USP8: variants seen among roughly 807,000 people sequenced by gnomAD.
The protein encoded by USP8 is ubiquitin carboxyl-terminal hydrolase 8.
A neutral mutation model predicts 130.0 loss-of-function variants in USP8; 27 were observed. That is an observed-to-expected ratio of 0.21 (90% CI 0.15 to 0.29). The LOEUF (loss-of-function observed/expected upper bound fraction) is 0.29. Among genes scored for constraint, USP8 ranks in the 10% least tolerant of loss-of-function variants. The probability of loss-of-function intolerance (pLI) is 1.00; values close to 1 mark genes in which losing one functional copy is unlikely to be tolerated. For synonymous variants in USP8, 392 were observed against 444.1 expected, an observed-to-expected ratio of 0.88 and a Z score of 1.48; for missense variants, 1,029 against 1,312.2, an observed-to-expected ratio of 0.78 and a Z score of 3.33.
intron 12 of USP8, among the ~76,000 whole-genome samples, chr15:50,488,420 G>A (rs2052035355): frequency 6.6e-6 from 1 of 151,976 alleles, no homozygotes; most frequent in South Asian, 2.1e-4. Flanking sequence ...CACCAGGCAG[G>A]AGTACAGTGG....
At chr15:50,475,639 A>G (rs534371802) in intron 8 of USP8, among the ~76,000 whole-genome samples, 1 of 152,134 alleles carries the variant, frequency 6.6e-6, no homozygotes, top group East Asian at 1.9e-4. Flanking sequence ...TCTCACTCTT[A>G]TCCCCCAGGC....
intron 3 of USP8, among the ~76,000 whole-genome samples, chr15:50,443,747 G>T (rs12591094): frequency 0.12 from 18,783 of 152,124 alleles, 1,614 homozygotes; most frequent in East Asian, 0.39. Context: ...CTTCCAAAGT[G>T]CTGGGATTCC....
In USP8 at chr15:50,484,348, C is replaced by G. The variant is rs762964593; in HGVS notation, c.1877C>G (p.Thr626Ser). The G allele has an allele frequency of 1.9e-6, 3 of 1,610,054 alleles. No individual in the cohort carries two copies. The highest frequency in any genetic ancestry group is 2.7e-5 in the African/African-American group (2 of 74,504). ...TGTFREDTDD[T>S]ERNKAQREPL... is the part of the protein sequence containing the mutation. ...ACTTTTAGAGAGGATACAGACGATA[C>G]CGAAAGAAATAAAGTAAGTAGTTTA... is the stretch of plus-strand genomic sequence containing the variant. Residue 626 changes from threonine (T) to serine (S), a missense_variant, in exon 12 of 20, where the codon ACC becomes AGC. Physicochemically the swap from Thr to Ser is moderately conservative, Grantham distance 58. Transcript: ENST00000307179.
At chr15:50,457,223 G>C (rs1235392885) in intron 4 of USP8, among the ~76,000 whole-genome samples, 1 of 152,106 alleles carries the variant, frequency 6.6e-6, no homozygotes, top group East Asian at 1.9e-4. Flanking sequence ...AGTTTTATCT[G>C]TTTATTTAGA....
chr15:50,498,423 G>A (rs540966460), intron 18 of USP8, 173 bp from the exon 19 acceptor site: 95 of 815,516 alleles, frequency 1.2e-4, no homozygotes, highest in East Asian at 1.1e-3. Flanking sequence ...TTTCTTGTTT[G>A]TAAAATGGAA....
At chr15:50,441,024 C>A (rs1475416996) in intron 2 of USP8, among the ~76,000 whole-genome samples, 1 of 150,906 alleles carries the variant, frequency 6.6e-6, no homozygotes, top group Non-Finnish European at 1.5e-5. Flanking sequence ...AAGGAGTGCA[C>A]AACCTAGATC....
intron 1 of USP8, among the ~76,000 whole-genome samples, chr15:50,433,473 G>A (rs2049992140): frequency 6.6e-6 from 1 of 152,108 alleles, no homozygotes; most frequent in African/African-American, 2.4e-5. Context: ...TTAAAATCAG[G>A]ACCAGTTTGA....
Position 50,481,834 on chromosome 15 carries a change from A to G in USP8, c.1572A>G (p.Glu524=), listed in dbSNP as rs2051784123. ...AGAAGCAACAAAAAGCAAAAGAAGA[A>G]ATGGAGAAGAAAGAAAGTGAACAGG... is the stretch of plus-strand genomic sequence containing the variant. ...ITEKQQKAKE[E]MEKKESEQAK... Residue 524 remains glutamate, a synonymous_variant, in exon 11 of 20, where the codon GAA becomes GAG. Transcript: ENST00000307179. 1.3e-6 allele frequency: 2 copies of G among 1,526,846 alleles called. No individual in the cohort carries two copies. The highest frequency in any genetic ancestry group is 1.7e-6 in the Non-Finnish European group (2 of 1,143,168). The allele number at this position is 1,526,846 out of a possible 1,614,324, so 94.6% of individuals were successfully genotyped here.
At chr15:50,462,964 G>A (rs1016928779) in intron 6 of USP8, among the ~76,000 whole-genome samples, 4 of 151,512 alleles carry the variant, frequency 2.6e-5, no homozygotes, top group African/African-American at 9.7e-5. Flanking sequence ...AAAAAAAATC[G>A]AGGCCAGGCG....
At position 50,433,807 on chromosome 15, in the gene USP8, G is replaced by A. The variant is rs184098171; in HGVS notation, c.-65-5202G>A. 6.2e-4 allele frequency among the ~76,000 whole-genome samples: 95 copies of A among 152,106 alleles called. 1 individual carries two copies. Among genetic ancestry groups the A allele is most frequent in the Middle Eastern group, 3.4e-3 (1 of 292 alleles). The stretch of plus-strand genomic sequence containing the variant: ...TTTTTAGTAGAGACGGGGTTTCACC[G>A]TGTTAGCCAGGATGGTCTTGATCTC... On this transcript the variant is annotated intron_variant, in intron 1 of 19. Coordinates refer to ENST00000307179, the MANE Select transcript of USP8 (RefSeq NM_005154.5).
intron 13 of USP8, 71 bp downstream of exon 13, chr15:50,489,952 C>A: frequency 8.0e-7 from 1 of 1,249,782 alleles, no homozygotes; most frequent in Non-Finnish European, 1.1e-6. Flanking sequence ...TATTTTACAT[C>A]TTCTGTAATG....
chr15:50,498,814 A>G, intron 19 of USP8, 86 bp downstream of exon 19: 1 of 1,549,488 alleles, frequency 6.5e-7, no homozygotes. Context: ...ATGGAAGAGT[A>G]AGAACAACAT....
chr15:50,493,963 G>A (rs2052276891), intron 15 of USP8, 107 bp from the exon 16 acceptor site: 1 of 1,244,874 alleles, frequency 8.0e-7, no homozygotes, highest in African/African-American at 1.5e-5. Flanking sequence ...GTTTAATGTA[G>A]TGCTACAGTA....
Position 50,509,014 on chromosome 15 carries a change from G to C in USP8, c.*9926G>C, listed in dbSNP as rs2052701286. The C allele has an allele frequency of 6.8e-6, 1 of 147,420 alleles. No homozygotes were observed. The allele number at this position is 147,420 out of a possible 1,614,324, so 9.1% of individuals were successfully genotyped here. A position where few individuals can be genotyped will look rare whatever the true frequency, so the allele number is the denominator to read the frequency against. ...CTGGGCACGGTGGCGGGCGCCTGTA[G>C]TCCCAGCTACTTGGGAGGCTGAGGC... On this transcript the variant is annotated 3_prime_UTR_variant, in exon 20 of 20. Transcript: ENST00000307179.
intron 4 of USP8, among the ~76,000 whole-genome samples, chr15:50,451,973 C>T (rs2050641124): frequency 6.6e-6 from 1 of 152,198 alleles, no homozygotes; most frequent in Non-Finnish European, 1.5e-5. Context: ...TGGTCTATGA[C>T]CACGGAGGCG....
In USP8 at chr15:50,504,195, T is replaced by TA. The variant is rs1698918850; in HGVS notation, c.*5110dup. 1 of 152,136 alleles carries TA rather than the reference T, an allele frequency of 6.6e-6. No homozygotes were observed. The highest frequency in any genetic ancestry group is 1.5e-5 in the Non-Finnish European group (1 of 68,022). 9.4% of individuals were successfully genotyped at this position (152,136 alleles called of 1,614,324 possible). A position where few individuals can be genotyped will look rare whatever the true frequency, so the allele number is the denominator to read the frequency against. On this transcript the variant is annotated 3_prime_UTR_variant, in exon 20 of 20. Coordinates refer to ENST00000307179, the MANE Select transcript of USP8 (RefSeq NM_005154.5). Reference sequence around the variant, plus strand: ...TATTATAAGTAATCCAGAGATGACTTAAAGTATATGGGAGGATGTGCATAG... The same window carrying TA: ...TATTATAAGTAATCCAGAGATGACTTAAAAGTATATGGGAGGATGTGCATAG...
chr15:50,447,751 T>A (rs928276436), intron 3 of USP8, among the ~76,000 whole-genome samples: 4 of 190 alleles, frequency 0.021, no homozygotes, highest in Non-Finnish European at 0.091. Flanking sequence ...TTACGCTTAT[T>A]TTTTTTTTTG....
chr15:50,462,358 TCTGA>T, intron 6 of USP8, 36 bp downstream of exon 6: 1 of 1,560,132 alleles, frequency 6.4e-7, no homozygotes, highest in Non-Finnish European at 8.7e-7. Flanking sequence ...TGTTTTAGGT[TCTGA>T]CTGAGATCTT....
chr15:50,494,340 A>G, intron 16 of USP8, 60 bp downstream of exon 16: 1 of 1,421,014 alleles, frequency 7.0e-7, no homozygotes, highest in South Asian at 1.4e-5. Flanking sequence ...GTAGCACTGT[A>G]TTTTTATAGC....
Sources: gnomAD v4.1 joint callset for allele counts (sites outside exome capture counted in the v4.1 genomes callset) on GRCh38, gnomAD v4.1.1 for gene constraint, MANE v1.5 for transcripts, NCBI Gene and HGNC (gene_info 2026-07-23, HGNC 2026-07-21) for gene names.